Variants in HABP2 observed in about 807,000 individuals in gnomAD.
The protein encoded by HABP2 is factor VII-activating protease.
In HABP2, 65 loss-of-function variants were observed where a neutral mutation model predicts 66.5. The observed-to-expected ratio is 0.98, with a 90% CI of 0.80 to 1.20. The LOEUF is 1.20. Ranked by LOEUF, HABP2 falls within the 50% of genes most tolerant of loss-of-function variation. The probability of loss-of-function intolerance (pLI) is 0.00; values close to 1 mark genes in which losing one functional copy is unlikely to be tolerated. For synonymous variants in HABP2, 263 were observed against 253.9 expected (o/e 1.04, Z -0.34); for missense variants, 786 against 691.0 (o/e 1.14, Z -1.54).
intron 2 of HABP2, 48 bp downstream of exon 2, chr10:113,567,573 T>C: frequency 7.0e-7 from 1 of 1,420,146 alleles, no homozygotes; most frequent in Admixed American, 1.7e-5. Flanking sequence ...CCAGGCTGGT[T>C]CTGGGCTGGT....
intron 1 of HABP2, among the ~76,000 whole-genome samples, chr10:113,566,925 G>T (rs1239482675): frequency 6.6e-6 from 1 of 152,124 alleles, no homozygotes; most frequent in Non-Finnish European, 1.5e-5. Flanking sequence ...GCAGGTGTTT[G>T]CATTTTATTC....
intron 4 of HABP2, among the ~76,000 whole-genome samples, chr10:113,576,538 C>T (rs1207329566): frequency 6.6e-6 from 1 of 152,172 alleles, no homozygotes; most frequent in Non-Finnish European, 1.5e-5. Flanking sequence ...GTGGGCATAA[C>T]ATGAGGCAGT....
chr10:113,574,320 C>T lies in HABP2; in HGVS notation c.138C>T (p.Tyr46=), dbSNP rs763225242. 22 of 1,602,836 alleles carry T rather than the reference C, an allele frequency of 1.4e-5. No individual in the cohort carries two copies. The African/African-American group carries it at 1.6e-4, about 12-fold the overall frequency. ...DWTPDQYDYS[Y]EDYNQEENTS... ...CCCCTGACCAGTATGATTACAGCTACGAGGATTATAATCAGGAAGAGAACA... is the reference window on the plus strand; with the variant it reads ...CCCCTGACCAGTATGATTACAGCTATGAGGATTATAATCAGGAAGAGAACA... The change falls in exon 3 of 13, where the codon TAC becomes TAT. Residue 46 remains tyrosine (Y), a synonymous_variant. Coordinates refer to ENST00000351270, the MANE Select transcript of HABP2 (RefSeq NM_004132.5).
At chr10:113,574,152 G>C (rs1845362976) in intron 2 of HABP2, 137 bp from the exon 3 acceptor site, 1 of 597,654 alleles carries the variant, frequency 1.7e-6, no homozygotes, top group Non-Finnish European at 3.0e-6. Context: ...TCCCCTCACT[G>C]TGCAGAGCTG....
intron 1 of HABP2, among the ~76,000 whole-genome samples, chr10:113,555,833 C>G (rs988472548): frequency 2.0e-5 from 3 of 152,190 alleles, no homozygotes; most frequent in African/African-American, 7.2e-5. Flanking sequence ...CTGTCTGACT[C>G]CACATTCATC....
intron 1 of HABP2, among the ~76,000 whole-genome samples, chr10:113,553,562 G>A (rs1456742028): frequency 6.6e-6 from 1 of 152,238 alleles, no homozygotes; most frequent in Non-Finnish European, 1.5e-5. Flanking sequence ...ATCTATTGGT[G>A]CTGACACACA....
Position 113,589,486 on chromosome 10 carries a change from T to A in HABP2, c.*1117T>A, listed in dbSNP as rs1845808202. On this transcript the variant is annotated 3_prime_UTR_variant, in exon 13 of 13. Coordinates refer to ENST00000351270, the MANE Select transcript of HABP2 (RefSeq NM_004132.5). ...AGAAAGCCCTGCAGGAAGTTTAACC[T>A]GCGTGTCATCTGCCTGGTCATCTCA... 7 of 686,328 alleles carry A rather than the reference T, an allele frequency of 1.0e-5. No individual in the cohort carries two copies. The Admixed American group carries it at 2.1e-4, about 20-fold the overall frequency. The allele number at this position is 686,328 out of a possible 1,614,324, so 42.5% of individuals were successfully genotyped here. A position where few individuals can be genotyped will look rare whatever the true frequency, so the allele number is the denominator to read the frequency against.
intron 1 of HABP2, among the ~76,000 whole-genome samples, chr10:113,562,570 G>A (rs1000029046): frequency 2.0e-5 from 3 of 150,572 alleles, no homozygotes; most frequent in Non-Finnish European, 2.9e-5. Flanking sequence ...TCAGCCACCC[G>A]AGTAGCTGGG....
At chr10:113,552,850 AG>A (rs1446723543), upstream of HABP2, among the ~76,000 whole-genome samples, 1 of 152,232 alleles carries the variant, frequency 6.6e-6, no homozygotes, top group Non-Finnish European at 1.5e-5. Context: ...CCGTGGAGCC[AG>A]GGGGCTATGT....
At chr10:113,576,576 T>TA (rs1177570381) in intron 4 of HABP2, among the ~76,000 whole-genome samples, 2 of 152,178 alleles carry the variant, frequency 1.3e-5, no homozygotes, top group Non-Finnish European at 2.9e-5. Flanking sequence ...ATAGGACTCC[T>TA]AGGGGCTAAT....
chr10:113,586,514 A>T (rs1303926675), intron 12 of HABP2, among the ~76,000 whole-genome samples: 1 of 147,996 alleles, frequency 6.8e-6, no homozygotes, highest in Non-Finnish European at 1.5e-5. Context: ...AAAACTAAGT[A>T]TATCTGTAGC....
chr10:113,556,103 C>A (rs1844985830), intron 1 of HABP2, among the ~76,000 whole-genome samples: 1 of 152,200 alleles, frequency 6.6e-6, no homozygotes, highest in South Asian at 2.1e-4. Flanking sequence ...CATTTCTGGG[C>A]TTTTAAAACC....
rs550722245 is a variant in HABP2 at position 113,568,653 on chromosome 10, T to C, written c.106+1128T>C. ...TTTCAGAGAGTTATCCCCTAGCTGA[T>C]GAACACACCACCACCCACACGTGGA... On this transcript the variant is annotated intron_variant, in intron 2 of 12. Transcript: ENST00000351270. Among the ~76,000 whole-genome samples the C allele has an allele frequency of 2.0e-5, 3 of 152,302 alleles. No individual in the cohort carries two copies. The South Asian group carries it at 6.2e-4, about 32-fold the overall frequency.
intron 2 of HABP2, chr10:113,572,808 G>T (rs1313881370): frequency 3.0e-6 from 1 of 331,394 alleles, no homozygotes; most frequent in Non-Finnish European, 6.1e-6. Context: ...AGGGAGTCTT[G>T]ACTTGACACT....
chr10:113,587,782 G>T (rs894481245), intron 12 of HABP2, among the ~76,000 whole-genome samples: 3 of 152,052 alleles, frequency 2.0e-5, no homozygotes, highest in East Asian at 1.9e-4. Context: ...GAGGCCTAAG[G>T]TCACATGCCT....
At chr10:113,553,655 AG>A (rs1844939405) in intron 1 of HABP2, among the ~76,000 whole-genome samples, 1 of 152,260 alleles carries the variant, frequency 6.6e-6, no homozygotes, top group Admixed American at 6.5e-5. Context: ...TGACTGCAAA[AG>A]ATCCTGGCAG....
chr10:113,575,249 A>G (rs1266728625), intron 3 of HABP2, among the ~76,000 whole-genome samples: 2 of 152,264 alleles, frequency 1.3e-5, no homozygotes, highest in Non-Finnish European at 2.9e-5. Context: ...GTGTGTGAAC[A>G]GAAGGATAAA....
Position 113,585,787 on chromosome 10 carries a change from C to A in HABP2, c.1373-6C>A. 1 of 1,612,574 alleles carries A rather than the reference C, an allele frequency of 6.2e-7. No homozygotes were observed. Among genetic ancestry groups the A allele is most frequent in the Non-Finnish European group, 8.5e-7 (1 of 1,178,614 alleles). On this transcript the variant is annotated splice_region_variant and splice_polypyrimidine_tract_variant and intron_variant, in intron 11 of 12. Transcript: ENST00000351270. ...AGTGACTCTTTTCTCTGCACCTTCC[C>A]CACAGGAAAAGGGTCCCGCCAGCTC...
intron 1 of HABP2, among the ~76,000 whole-genome samples, chr10:113,558,770 C>T (rs1387442835): frequency 6.6e-6 from 1 of 152,166 alleles, no homozygotes; most frequent in Non-Finnish European, 1.5e-5. Flanking sequence ...CTGGGGCTGA[C>T]TGACCAAAAA....
Sources: allele counts gnomAD v4.1 joint callset (sites outside exome capture counted in the v4.1 genomes callset), GRCh38; gene constraint gnomAD v4.1.1; transcripts MANE v1.5; gene names NCBI Gene and HGNC (gene_info 2026-07-23, HGNC 2026-07-21).